Variants in SNIP1 observed in about 807,000 individuals in gnomAD.
SNIP1 encodes smad nuclear-interacting protein 1.
A neutral mutation model predicts 37.4 loss-of-function variants in SNIP1; 23 were observed. The observed-to-expected ratio is 0.61, with a 90% CI of 0.44 to 0.87. SNIP1 has a LOEUF of 0.87. Among genes scored for constraint, SNIP1 ranks in the 40% least tolerant of loss-of-function variants. SNIP1 has a pLI of 0.00. For synonymous variants in SNIP1, 174 were observed against 200.0 expected, an observed-to-expected ratio of 0.87 and a Z score of 1.10; for missense variants, 459 against 540.4, an observed-to-expected ratio of 0.85 and a Z score of 1.49.
chr1:37,552,877 G>T (rs748816767), intron 1 of SNIP1, 130 bp from the exon 2 acceptor site: 1 of 733,854 alleles, frequency 1.4e-6, no homozygotes, highest in Non-Finnish European at 2.4e-6. Flanking sequence ...CACATTAAAG[G>T]AGTCACGAGG....
At position 37,537,974 on chromosome 1, in the gene SNIP1, C is replaced by G; in HGVS notation, c.965G>C (p.Arg322Pro). The change falls in exon 4 of 4, where the codon CGA becomes CCA. Residue 322 changes from arginine to proline, a missense_variant. Transcript: ENST00000296215. ...EYTRADGTVG[R>P]RVKPYIIDLG... ...GTCAATGATGTAGGGCTTCACTCTT[C>G]GGCCAACTGTGCCATCAGCACGGGT... 1 of 1,613,790 alleles carries G rather than the reference C, an allele frequency of 6.2e-7. No homozygotes were observed. The highest frequency in any genetic ancestry group is 8.5e-7 in the Non-Finnish European group (1 of 1,179,872).
rs755466442 is a variant in SNIP1, at chr1:37,554,249, G to A, written c.-20C>T. The A allele has an allele frequency of 1.3e-6, 2 of 1,579,108 alleles. No homozygotes were observed. The highest frequency in any genetic ancestry group is 3.5e-5 in the Admixed American group (2 of 57,016). On this transcript the variant is annotated 5_prime_UTR_variant, in exon 1 of 4. Coordinates refer to ENST00000296215, the MANE Select transcript of SNIP1 (RefSeq NM_024700.4). ...CTTCATTCTGTGATTTTGGCTGGGC[G>A]AAAGAAAACAGATCAGTTGAGCTCC...
intron 2 of SNIP1, 77 bp downstream of exon 2, chr1:37,552,568 C>T: frequency 8.2e-7 from 1 of 1,221,176 alleles, no homozygotes; most frequent in South Asian, 1.2e-5. Flanking sequence ...ACACACAACA[C>T]ACACACACAT....
At chr1:37,544,371 G>A (rs1423791335) in intron 2 of SNIP1, among the ~76,000 whole-genome samples, 4 of 150,796 alleles carry the variant, frequency 2.7e-5, no homozygotes, top group Non-Finnish European at 3.0e-5. Flanking sequence ...ACTTGAACTC[G>A]GAGGGCGGAG....
chr1:37,540,465 A>T lies in SNIP1; in HGVS notation c.618T>A (p.Val206=). ...GGGGSESQEL[V]PRPGGNNKEK... Reference sequence around the variant, plus strand: ...CTTTGTTGTTGCCACCAGGCCGAGGAACCAACTCCTGAGACTCACTGCCGC... The same window carrying T: ...CTTTGTTGTTGCCACCAGGCCGAGGTACCAACTCCTGAGACTCACTGCCGC... Residue 206 remains valine (V), a synonymous_variant, in exon 3 of 4, where the codon GTT becomes GTA. Transcript: ENST00000296215. This position sits in a 1 kb window ranked among gnomAD's most constrained non-coding sequence, Gnocchi z 5.6. 1 of 1,614,022 alleles carries T rather than the reference A, an allele frequency of 6.2e-7. No homozygotes were observed. Among genetic ancestry groups the T allele is most frequent in the Non-Finnish European group, 8.5e-7 (1 of 1,179,992 alleles).
In SNIP1 at chr1:37,536,400, G is replaced by A. The variant is rs1046780902; in HGVS notation, c.*1348C>T. 2 of 152,030 alleles carry A rather than the reference G, an allele frequency of 1.3e-5. No individual in the cohort carries two copies. Among genetic ancestry groups the A allele is most frequent in the Admixed American group, 6.6e-5 (1 of 15,260 alleles). The allele number at this position is 152,030 out of a possible 1,614,324, so 9.4% of individuals were successfully genotyped here. A position where few individuals can be genotyped will look rare whatever the true frequency, so the allele number is the denominator to read the frequency against. On this transcript the variant is annotated 3_prime_UTR_variant, in exon 4 of 4. Coordinates refer to ENST00000296215, the MANE Select transcript of SNIP1 (RefSeq NM_024700.4). ...CTATTCCACTGACTTGGAGGCCAAC[G>A]ATATAACCTGCCCCACAACACTCTA...
rs374950703 is a variant in SNIP1, at chr1:37,538,060, C to G, written c.927-48G>C. 9 of 1,536,866 alleles carry G rather than the reference C, an allele frequency of 5.9e-6. No homozygotes were observed. In the African/African-American group the frequency reaches 1.2e-4, roughly 21 times the overall value. ...CTGTGAGCAAACTTCTGCCTCAGAT[C>G]ATCCAGCTTCTCTAAAGCTCTTTGC... On this transcript the variant is annotated intron_variant, in intron 3 of 3. Transcript: ENST00000296215.
At chr1:37,549,037 G>A (rs1223675971) in intron 2 of SNIP1, 25 of 149,254 alleles carry the variant, frequency 1.7e-4, no homozygotes, top group Non-Finnish European at 5.9e-5. Flanking sequence ...TGTAAAGGAA[G>A]AAATAAAACT....
Position 37,540,146 on chromosome 1 carries a change from A to G in SNIP1, c.926+11T>C, listed in dbSNP as rs1643155587. 1 of 1,563,088 alleles carries G rather than the reference A, an allele frequency of 6.4e-7. No individual in the cohort carries two copies. The highest frequency in any genetic ancestry group is 1.2e-5 in the South Asian group (1 of 85,600). ...TGCTCACATTACAGTTTCTTCCTCC[A>G]TGTTACTTACCGATATTGAAAGACC... On this transcript the variant is annotated intron_variant, in intron 3 of 3. Transcript: ENST00000296215. This position sits in a 1 kb window ranked among gnomAD's most constrained non-coding sequence, Gnocchi z 5.6.
rs1302055892 is a variant in SNIP1, at chr1:37,534,621, A to G, written c.*3127T>C. On this transcript the variant is annotated 3_prime_UTR_variant, in exon 4 of 4. Coordinates refer to ENST00000296215, the MANE Select transcript of SNIP1 (RefSeq NM_024700.4). ...ATTAAATGACATCATTTTGTTCCTC[A>G]GATCCTGACATACACAATGAAAGTA... The G allele has an allele frequency of 4.6e-5, 7 of 152,234 alleles. No homozygotes were observed. The highest frequency in any genetic ancestry group is 1.7e-4 in the African/African-American group (7 of 41,464). 9.4% of individuals were successfully genotyped at this position (152,234 alleles called of 1,614,324 possible).
intron 2 of SNIP1, among the ~76,000 whole-genome samples, chr1:37,551,269 CAAA>C (rs56350752): frequency 8.3e-5 from 9 of 108,304 alleles, no homozygotes; most frequent in Admixed American, 9.1e-5. Flanking sequence ...GACTCTGTCT[CAAA>C]AAAAAAAAAA....
intron 2 of SNIP1, among the ~76,000 whole-genome samples, chr1:37,543,689 CAATAA>C (rs1050349495): frequency 2.0e-5 from 3 of 146,398 alleles, no homozygotes; most frequent in African/African-American, 7.6e-5. Flanking sequence ...GTTGGGCTTT[CAATAA>C]GCAAGGCAAA....
Position 37,535,075 on chromosome 1 carries a change from A to C in SNIP1, c.*2673T>G, listed in dbSNP as rs928121675. The C allele has an allele frequency of 2.0e-5, 3 of 150,720 alleles. No homozygotes were observed. The highest frequency in any genetic ancestry group is 3.4e-3 in the Middle Eastern group (1 of 292). The allele number at this position is 150,720 out of a possible 1,614,324, so 9.3% of individuals were successfully genotyped here. A position where few individuals can be genotyped will look rare whatever the true frequency, so the allele number is the denominator to read the frequency against. ...AGGGAAAACAAGACCAAAAAAAAAA[A>C]AAAACACCTTCTCAGGCCAGGCCTG... On this transcript the variant is annotated 3_prime_UTR_variant, in exon 4 of 4. Coordinates refer to ENST00000296215, the MANE Select transcript of SNIP1 (RefSeq NM_024700.4).
intron 3 of SNIP1, among the ~76,000 whole-genome samples, chr1:37,538,310 C>T (rs796220786): frequency 3.9e-5 from 6 of 152,104 alleles, no homozygotes; most frequent in African/African-American, 1.4e-4. Context: ...AGATGGAGAC[C>T]ATCCTGGCTA....
At chr1:37,542,006 G>T (rs1207884822) in intron 2 of SNIP1, among the ~76,000 whole-genome samples, 3 of 151,664 alleles carry the variant, frequency 2.0e-5, no homozygotes, top group African/African-American at 7.3e-5. Flanking sequence ...GATTTGAAAA[G>T]TTTTTTTTTG....
chr1:37,540,936 A>G lies in SNIP1; in HGVS notation c.328-181T>C, dbSNP rs1315128110. 6.9e-6 allele frequency: 4 copies of G among 582,964 alleles called. No homozygotes were observed. The highest frequency in any genetic ancestry group is 6.3e-5 in the Admixed American group (2 of 31,764). The allele number at this position is 582,964 out of a possible 1,614,324, so 36.1% of individuals were successfully genotyped here. ...TGGTTATGTTCCCTCGCAAGGCCAC[A>G]AAGATGATATCCCATGCTGCTATTC... On this transcript the variant is annotated intron_variant, in intron 2 of 3. Coordinates refer to ENST00000296215, the MANE Select transcript of SNIP1 (RefSeq NM_024700.4). The surrounding 1 kb of genome is among the most constrained non-coding windows in gnomAD (Gnocchi z 5.6).
Position 37,552,701 on chromosome 1 carries a change from A to T in SNIP1, c.271T>A (p.Ser91Thr), listed in dbSNP as rs753291513. The T allele has an allele frequency of 8.7e-6, 14 of 1,614,166 alleles. No individual in the cohort carries two copies. The highest frequency in any genetic ancestry group is 1.0e-5 in the Non-Finnish European group (12 of 1,180,042). The change falls in exon 2 of 4, where the codon TCT becomes ACT. Residue 91 changes from serine (S) to threonine (T), a missense_variant. By Grantham distance (58) the Ser-to-Thr change is moderately conservative (BLOSUM62 1). Transcript: ENST00000296215. ...KNKASGRRSK[S>T]PRSKRNRSPH... Reference sequence around the variant, plus strand: ...CTTCGGTTTCTCTTACTGCGAGGAGACTTGCTTCTTCTCCCTGAGGCCTTG... The same window carrying T: ...CTTCGGTTTCTCTTACTGCGAGGAGTCTTGCTTCTTCTCCCTGAGGCCTTG...
In SNIP1 at chr1:37,540,780, T is replaced by C; in HGVS notation, c.328-25A>G. 6.4e-7 allele frequency: 1 copy of C among 1,557,686 alleles called. No individual in the cohort carries two copies. Among genetic ancestry groups the C allele is most frequent in the Non-Finnish European group, 8.7e-7 (1 of 1,152,034 alleles). On this transcript the variant is annotated intron_variant, in intron 2 of 3. Transcript: ENST00000296215. The surrounding 1 kb of genome is among the most constrained non-coding windows in gnomAD (Gnocchi z 5.6). ...CCTAAAATTCAAACAGATTCTGTAA[T>C]TTAAACGCAGTGCACAATCTAAAGG...
chr1:37,545,470 C>CAAAAAAAAAA (rs74801000), intron 2 of SNIP1, among the ~76,000 whole-genome samples: 17 of 87,266 alleles, frequency 1.9e-4, no homozygotes, highest in African/African-American at 7.0e-4. Context: ...CCGCCCCCAC[C>CAAAAAAAAAA]AAAAAAAAAA....
Sources: allele counts gnomAD v4.1 joint callset (sites outside exome capture counted in the v4.1 genomes callset), GRCh38; gene constraint gnomAD v4.1.1; non-coding constraint Gnocchi (gnomAD v3.1); transcripts MANE v1.5; gene names NCBI Gene and HGNC (gene_info 2026-07-23, HGNC 2026-07-21).